The following TRPS1 variants were observed in gnomAD, a reference collection of about 807,000 sequenced individuals.
The protein encoded by TRPS1 is transcriptional repressor GATA binding 1.
In TRPS1, 6 loss-of-function variants were observed where a neutral mutation model predicts 101.2. The ratio of observed to expected loss-of-function variants is 0.06; its 90% CI spans 0.03 to 0.12. The LOEUF is 0.12. Among genes scored for constraint, TRPS1 ranks in the 10% least tolerant of loss-of-function variants. TRPS1 has a pLI of 1.00. For synonymous variants in TRPS1, 578 were observed against 589.8 expected (o/e 0.98, Z 0.29); for missense variants, 1,363 against 1,567.0 (o/e 0.87, Z 2.20).
chr8:115,492,348 C>T (rs927197925), intron 5 of TRPS1: 2 of 442,160 alleles, frequency 4.5e-6, no homozygotes, highest in East Asian at 1.4e-4. Flanking sequence ...TTTGCAGGAA[C>T]AGACAGGGTT....
At chr8:115,567,184 A>T (rs1817089723) in intron 5 of TRPS1, among the ~76,000 whole-genome samples, 1 of 152,146 alleles carries the variant, frequency 6.6e-6, no homozygotes, top group South Asian at 2.1e-4. Flanking sequence ...GAATAAAAAG[A>T]TTCACCACAT....
At chr8:115,549,279 T>TAAATTCA (rs1350543735) in intron 5 of TRPS1, among the ~76,000 whole-genome samples, 1 of 152,196 alleles carries the variant, frequency 6.6e-6, no homozygotes, top group African/African-American at 2.4e-5. Context: ...CAGATCCTGC[T>TAAATTCA]AAATTCAATC....
intron 1 of TRPS1, among the ~76,000 whole-genome samples, chr8:115,630,381 A>T (rs988015304): frequency 6.6e-6 from 1 of 151,994 alleles, no homozygotes; most frequent in African/African-American, 2.4e-5. Context: ...CCATACACAC[A>T]CACACACCTT....
chr8:115,542,458 G>A (rs1034280706), intron 5 of TRPS1, among the ~76,000 whole-genome samples: 2 of 151,828 alleles, frequency 1.3e-5, no homozygotes, highest in East Asian at 1.9e-4. Context: ...TTATTTCTGG[G>A]GGCAGTGTTA....
intron 1 of TRPS1, among the ~76,000 whole-genome samples, chr8:115,640,499 A>G (rs1351815521): frequency 1.3e-5 from 2 of 152,236 alleles, no homozygotes; most frequent in Non-Finnish European, 2.9e-5. Flanking sequence ...TAAAAGACAC[A>G]GGTCTACTGT....
chr8:115,419,690 A>G (rs1039180162), intron 5 of TRPS1, among the ~76,000 whole-genome samples: 1 of 152,204 alleles, frequency 6.6e-6, no homozygotes, highest in African/African-American at 2.4e-5. Flanking sequence ...TTTTGGCTTC[A>G]AGACTGGAAC....
In TRPS1 at chr8:115,434,353, T is replaced by G. The variant is rs374807092; in HGVS notation, c.2701-15901A>C. On this transcript the variant is annotated intron_variant, in intron 5 of 6. Coordinates refer to ENST00000395715, the MANE Select transcript of TRPS1 (RefSeq NM_014112.5). ...TTAAAACAGAGAGACTTCTGGAAGT[T>G]GATCCATGCTATTAACTTTATTGTG... 5.3e-4 allele frequency among the ~76,000 whole-genome samples: 80 copies of G among 152,318 alleles called. 1 individual carries two copies. The highest frequency in any genetic ancestry group is 1.9e-3 in the African/African-American group (79 of 41,580).
intron 5 of TRPS1, among the ~76,000 whole-genome samples, chr8:115,515,520 T>C (rs1231233015): frequency 6.6e-6 from 1 of 151,438 alleles, no homozygotes; most frequent in Admixed American, 6.6e-5. Flanking sequence ...CAGGACACAG[T>C]AAATCCACTA....
Position 115,619,819 on chromosome 8 carries a change from C to A in TRPS1, c.279G>T (p.Leu93=). ...CATAATTGAAGCCAGCCTTCTCACT[C>A]AGAACTGCGCTTTTCAAGTCCTTCT... ...SSKKDLKSAV[L]SEKAGFNYES... Residue 93 remains leucine (L), a synonymous_variant, in exon 3 of 7, where the codon CTG becomes CTT. Coordinates refer to ENST00000395715, the MANE Select transcript of TRPS1 (RefSeq NM_014112.5). 6.2e-7 allele frequency: 1 copy of A among 1,614,194 alleles called. No individual in the cohort carries two copies. Among genetic ancestry groups the A allele is most frequent in the Non-Finnish European group, 8.5e-7 (1 of 1,180,022 alleles).
At chr8:115,615,470 A>G (rs1180050407) in intron 3 of TRPS1, among the ~76,000 whole-genome samples, 1 of 152,212 alleles carries the variant, frequency 6.6e-6, no homozygotes, top group Non-Finnish European at 1.5e-5. Context: ...AATAAAGCAG[A>G]TTAAAAAGAA....
rs537744121 is a variant in TRPS1 at position 115,654,923 on chromosome 8, C to T, written c.-122+13622G>A. ...CATCCTAATAAATGACATTTTAATTCTATTCTCATATCCATGTGCAAAAGG... is the reference window on the plus strand; with the variant it reads ...CATCCTAATAAATGACATTTTAATTTTATTCTCATATCCATGTGCAAAAGG... On this transcript the variant is annotated intron_variant, in intron 1 of 6. Coordinates refer to ENST00000395715, the MANE Select transcript of TRPS1 (RefSeq NM_014112.5). 5.3e-5 allele frequency among the ~76,000 whole-genome samples: 8 copies of T among 152,118 alleles called. No individual in the cohort carries two copies. The East Asian group carries it at 1.5e-3, about 29-fold the overall frequency.
chr8:115,526,398 T>A (rs542308868), intron 5 of TRPS1, among the ~76,000 whole-genome samples: 105 of 152,274 alleles, frequency 6.9e-4, no homozygotes, highest in Non-Finnish European at 1.2e-3. Context: ...ATGGGTCTAG[T>A]TTTCTAAAAC....
intron 1 of TRPS1, among the ~76,000 whole-genome samples, chr8:115,645,188 G>A (rs1818996632): frequency 6.6e-6 from 1 of 151,972 alleles, no homozygotes; most frequent in Non-Finnish European, 1.5e-5. Context: ...GTAATAAATG[G>A]AAAGTGCAAT....
Position 115,604,798 on chromosome 8 carries a change from T to G in TRPS1, c.1171A>C (p.Asn391His), listed in dbSNP as rs368184534. ...SSEVAKPSEK[N>H]SNKSIPALQS... ...AGTGCAGGGATGGACTTGTTAGAGTTTTTCTCTGAAGGTTTTGCAACCTCA... is the reference window on the plus strand; with the variant it reads ...AGTGCAGGGATGGACTTGTTAGAGTGTTTCTCTGAAGGTTTTGCAACCTCA... Residue 391 changes from asparagine (N) to histidine (H), a missense_variant, in exon 4 of 7, where the codon AAC (asparagine) becomes CAC (histidine). This residue lies in a region of TRPS1 where 1,020 missense variants were observed against 1,073.0 expected (regional missense o/e 0.95). Transcript: ENST00000395715. This position sits in a 1 kb window ranked among gnomAD's most constrained non-coding sequence, Gnocchi z 4.1. 6.2e-5 allele frequency: 100 copies of G among 1,613,850 alleles called. 1 individual carries two copies. In the African/African-American group the frequency reaches 1.3e-3, roughly 21 times the overall value.
intron 1 of TRPS1, among the ~76,000 whole-genome samples, chr8:115,631,245 T>A (rs1011086031): frequency 2.0e-5 from 3 of 152,138 alleles, no homozygotes; most frequent in Non-Finnish European, 4.4e-5. Context: ...ATTATGTGTT[T>A]ATGTTTTAGG....
intron 5 of TRPS1, among the ~76,000 whole-genome samples, chr8:115,548,236 C>CAT (rs1430186258): frequency 6.6e-6 from 1 of 151,948 alleles, no homozygotes; most frequent in African/African-American, 2.4e-5. Flanking sequence ...TCAAAAAATA[C>CAT]ATATATATAA....
chr8:115,498,415 C>CTCTCTCTATATATATATA (rs1486361297), intron 5 of TRPS1, among the ~76,000 whole-genome samples: 1 of 39,314 alleles, frequency 2.5e-5, no homozygotes, highest in African/African-American at 1.1e-4. Flanking sequence ...CTCTCTCTCT[C>CTCTCTCTATATATATATA]TATATATATA....
At chr8:115,551,901 G>A (rs942565932) in intron 5 of TRPS1, among the ~76,000 whole-genome samples, 2 of 152,124 alleles carry the variant, frequency 1.3e-5, no homozygotes, top group Admixed American at 6.5e-5. Flanking sequence ...AGGCCAGTCC[G>A]TCTGCTCTCA....
intron 1 of TRPS1, among the ~76,000 whole-genome samples, chr8:115,646,613 T>A (rs2130599189): frequency 6.6e-6 from 1 of 152,302 alleles, no homozygotes; most frequent in Non-Finnish European, 1.5e-5. Context: ...CCTCCAGCCA[T>A]GAGAAAAATA....
Sources: allele counts gnomAD v4.1 joint callset (sites outside exome capture counted in the v4.1 genomes callset), GRCh38; gene constraint gnomAD v4.1.1; regional missense constraint gnomAD v4.1.1; non-coding constraint Gnocchi (gnomAD v3.1); transcripts MANE v1.5; gene names NCBI Gene and HGNC (gene_info 2026-07-23, HGNC 2026-07-21).